The following CADM1 variants were observed in gnomAD, a reference collection of about 807,000 sequenced individuals.
CADM1 encodes cell adhesion molecule 1.
CADM1 carries 15 observed loss-of-function variants against 53.1 expected under a neutral mutation model. The ratio of observed to expected loss-of-function variants is 0.28; its 90% CI spans 0.19 to 0.44. The LOEUF is 0.44. CADM1 is among the 20% of genes least tolerant of loss of function. The pLI is 1.00. For missense variants in CADM1, 434 were observed against 611.3 expected (o/e 0.71, Z 3.06); for synonymous variants, 281 against 243.0 (o/e 1.16, Z -1.45).
chr11:115,179,784 C>A (rs924885033), intron 10 of CADM1, among the ~76,000 whole-genome samples: 1 of 152,008 alleles, frequency 6.6e-6, no homozygotes, highest in Non-Finnish European at 1.5e-5. Context: ...CTGTACCTTA[C>A]AATTTAAGCA....
At chr11:115,337,566 A>T (rs1341474437) in intron 1 of CADM1, among the ~76,000 whole-genome samples, 2 of 151,014 alleles carry the variant, frequency 1.3e-5, no homozygotes, top group Admixed American at 1.3e-4. Context: ...CCTTACTCTA[A>T]CCTCCCTTGG....
intron 1 of CADM1, among the ~76,000 whole-genome samples, chr11:115,258,323 G>A (rs966312112): frequency 6.6e-6 from 1 of 152,076 alleles, no homozygotes; most frequent in African/African-American, 2.4e-5. Flanking sequence ...CTATTACTCC[G>A]ATATTGATAG....
At chr11:115,308,211 T>TATATATATATACAC (rs139012671) in intron 1 of CADM1, among the ~76,000 whole-genome samples, 13,095 of 139,062 alleles carry the variant, frequency 0.094, 820 homozygotes, top group East Asian at 0.18. Context: ...TATATATATA[T>TATATATATATACAC]ACACACCTAT....
chr11:115,202,187 C>CAA (rs55812891), intron 8 of CADM1, among the ~76,000 whole-genome samples: 2,454 of 148,022 alleles, frequency 0.017, 35 homozygotes, highest in African/African-American at 0.034. Flanking sequence ...AACTAAGTAG[C>CAA]AAAAAAAAAA....
intron 1 of CADM1, among the ~76,000 whole-genome samples, chr11:115,342,707 A>G (rs181429175): frequency 6.6e-6 from 1 of 152,262 alleles, no homozygotes; most frequent in East Asian, 1.9e-4. Context: ...TTTCCATAGT[A>G]CTTTGTCCCT....
At chr11:115,187,647 G>A (rs1368212493) in intron 10 of CADM1, among the ~76,000 whole-genome samples, 2 of 152,128 alleles carry the variant, frequency 1.3e-5, no homozygotes, top group African/African-American at 4.8e-5. Context: ...TGCCATGTTG[G>A]CCAGGCTGGT....
At position 115,340,384 on chromosome 11, in the gene CADM1, A is replaced by G. The variant is rs574658501; in HGVS notation, c.125-99964T>C. 4 of 151,846 alleles carry G rather than the reference A, an allele frequency of 2.6e-5. No individual in the cohort carries two copies. In the South Asian group the frequency reaches 8.3e-4, roughly 32 times the overall value. 9.4% of individuals were successfully genotyped at this position (151,846 alleles called of 1,614,324 possible). A position where few individuals can be genotyped will look rare whatever the true frequency, so the allele number is the denominator to read the frequency against. On this transcript the variant is annotated intron_variant, in intron 1 of 11. Coordinates refer to ENST00000331581, the MANE Select transcript of CADM1 (RefSeq NM_001301043.2). ...TTAAGGAAATACAAAATCTTTCATG[A>G]CAATCTCTTTTAGGATGTGTCTTTC...
Position 115,173,807 on chromosome 11 carries a change from C to A in CADM1, c.*2667G>T. The A allele has an allele frequency of 2.0e-6, 2 of 983,760 alleles. No individual in the cohort carries two copies. Among genetic ancestry groups the A allele is most frequent in the Non-Finnish European group, 2.4e-6 (2 of 829,278 alleles). 60.9% of individuals were successfully genotyped at this position (983,760 alleles called of 1,614,324 possible). ...ATGTACACCTTAAAAACAGAACTGG[C>A]CTAAAGGGAAAAATAAGACGTCGGT... On this transcript the variant is annotated 3_prime_UTR_variant, in exon 12 of 12. Coordinates refer to ENST00000331581, the MANE Select transcript of CADM1 (RefSeq NM_001301043.2).
At chr11:115,413,511 TATG>T (rs1446427767) in intron 1 of CADM1, among the ~76,000 whole-genome samples, 1 of 152,202 alleles carries the variant, frequency 6.6e-6, no homozygotes, top group Non-Finnish European at 1.5e-5. Context: ...ATGAGGAAGA[TATG>T]ATAACTGTCT....
At chr11:115,369,580 A>G (rs1177917674) in intron 1 of CADM1, among the ~76,000 whole-genome samples, 1 of 152,242 alleles carries the variant, frequency 6.6e-6, no homozygotes, top group Non-Finnish European at 1.5e-5. Context: ...ATTAAAATAT[A>G]AAAGTATAAT....
At chr11:115,338,309 A>G (rs994928880) in intron 1 of CADM1, among the ~76,000 whole-genome samples, 5 of 152,168 alleles carry the variant, frequency 3.3e-5, no homozygotes, top group Non-Finnish European at 7.3e-5. Context: ...AAAAAATTCA[A>G]ATAATTTGCC....
chr11:115,341,621 G>C (rs956240592), intron 1 of CADM1, among the ~76,000 whole-genome samples: 3 of 152,120 alleles, frequency 2.0e-5, no homozygotes, highest in African/African-American at 7.2e-5. Flanking sequence ...TGTTGACCTA[G>C]AAATAACATA....
At chr11:115,352,035 G>A (rs1279038227) in intron 1 of CADM1, among the ~76,000 whole-genome samples, 7 of 152,058 alleles carry the variant, frequency 4.6e-5, no homozygotes, top group African/African-American at 7.2e-5. Flanking sequence ...CTTTACATCC[G>A]CAATTCCCAA....
Position 115,176,310 on chromosome 11 carries a change from A to C in CADM1, c.*164T>G. The C allele has an allele frequency of 6.7e-7, 1 of 1,500,984 alleles. No homozygotes were observed. Among genetic ancestry groups the C allele is most frequent in the Non-Finnish European group, 8.9e-7 (1 of 1,123,886 alleles). 93.0% of individuals were successfully genotyped at this position (1,500,984 alleles called of 1,614,324 possible). A position where few individuals can be genotyped will look rare whatever the true frequency, so the allele number is the denominator to read the frequency against. On this transcript the variant is annotated 3_prime_UTR_variant, in exon 12 of 12. Coordinates refer to ENST00000331581, the MANE Select transcript of CADM1 (RefSeq NM_001301043.2). ...AACAGCAGAGTGTACTTTCCAAAGAACATTTTTTTTTTTTTTACACAGCAA... is the reference window on the plus strand; with the variant it reads ...AACAGCAGAGTGTACTTTCCAAAGACCATTTTTTTTTTTTTTACACAGCAA...
chr11:115,451,026 T>G (rs1948560289), intron 1 of CADM1, among the ~76,000 whole-genome samples: 1 of 152,228 alleles, frequency 6.6e-6, no homozygotes, highest in South Asian at 2.1e-4. Context: ...ATTACATTGC[T>G]TCTGTAAAGC....
chr11:115,300,498 A>G (rs1287356207), intron 1 of CADM1, among the ~76,000 whole-genome samples: 1 of 152,116 alleles, frequency 6.6e-6, no homozygotes, highest in Non-Finnish European at 1.5e-5. Flanking sequence ...GGCTTCCTTT[A>G]TTTTATACCA....
chr11:115,485,400 AATAAAAGC>A (rs1949352155), intron 1 of CADM1, among the ~76,000 whole-genome samples: 1 of 152,186 alleles, frequency 6.6e-6, no homozygotes, highest in Non-Finnish European at 1.5e-5. Flanking sequence ...GAAGTAACTA[AATAAAAGC>A]ATAATGTAAA....
At chr11:115,492,564 C>A (rs1323906195) in intron 1 of CADM1, among the ~76,000 whole-genome samples, 1 of 151,860 alleles carries the variant, frequency 6.6e-6, no homozygotes, top group Non-Finnish European at 1.5e-5. Flanking sequence ...ACTCATCTAC[C>A]CTCAGTGGGA....
rs140892593 is a variant in CADM1, at chr11:115,479,711, A to G, written c.124+24560T>C. On this transcript the variant is annotated intron_variant, in intron 1 of 11. Coordinates refer to ENST00000331581, the MANE Select transcript of CADM1 (RefSeq NM_001301043.2). The stretch of plus-strand genomic sequence containing the variant: ...TGGAAACAAAGGGGAAAAATGTATT[A>G]TAAACAGTGATAATTAATTAAGGTT... 4.9e-4 allele frequency among the ~76,000 whole-genome samples: 74 copies of G among 152,304 alleles called. 1 individual carries two copies. Among genetic ancestry groups the G allele is most frequent in the African/African-American group, 1.7e-3 (69 of 41,570 alleles).
Sources: gnomAD v4.1 joint callset for allele counts (sites outside exome capture counted in the v4.1 genomes callset) on GRCh38, gnomAD v4.1.1 for gene constraint, MANE v1.5 for transcripts, NCBI Gene and HGNC (gene_info 2026-07-23, HGNC 2026-07-21) for gene names.